NFKBIZ: variants seen among roughly 807,000 people sequenced by gnomAD.
The protein encoded by NFKBIZ is NFKB inhibitor zeta.
NFKBIZ carries 19 observed loss-of-function variants against 76.8 expected under a neutral mutation model. The ratio of observed to expected loss-of-function variants is 0.25; its 90% CI spans 0.17 to 0.36. The LOEUF (loss-of-function observed/expected upper bound fraction) is 0.36, where lower values mean the gene tolerates loss of function less well. NFKBIZ is among the 10% of genes least tolerant of loss of function. The pLI is 1.00. For missense variants in NFKBIZ, 829 were observed against 910.9 expected (o/e 0.91, Z 1.16); for synonymous variants, 368 against 354.8 (o/e 1.04, Z -0.42).
At chr3:101,853,013 T>G in intron 4 of NFKBIZ, 24 bp downstream of exon 4, 1 of 1,613,412 alleles carries the variant, frequency 6.2e-7, no homozygotes, top group East Asian at 2.2e-5. Context: ...CATTTTCCTC[T>G]GACTATCCTT....
At chr3:101,831,262 G>A (rs1319608350) in intron 2 of NFKBIZ, among the ~76,000 whole-genome samples, 1 of 152,182 alleles carries the variant, frequency 6.6e-6, no homozygotes, top group Non-Finnish European at 1.5e-5. Context: ...ACAATAGTTT[G>A]TGGCCCCCAA....
chr3:101,849,688 G>T lies in NFKBIZ; in HGVS notation c.60G>T (p.Ala20=), dbSNP rs1483823632. The T allele has an allele frequency of 7.2e-7, 1 of 1,389,948 alleles. No homozygotes were observed. The highest frequency in any genetic ancestry group is 3.0e-5 in the East Asian group (1 of 33,586). 86.1% of individuals were successfully genotyped at this position (1,389,948 alleles called of 1,614,324 possible). Reference sequence around the variant, plus strand: ...GCGGAGAGGGGCTGCGGGACGCGGCGGGCGGCTGCGGCCTCATGACCAGCC... The same window carrying T: ...GCGGAGAGGGGCTGCGGGACGCGGCTGGCGGCTGCGGCCTCATGACCAGCC... The part of the protein sequence containing the change: ...SRGGEGLRDA[A]GGCGLMTSPL... Residue 20 remains alanine, a synonymous_variant, in exon 1 of 12, where the codon GCG becomes GCT. Transcript: ENST00000326172.
chr3:101,852,413 T>C (rs1448607655), intron 2 of NFKBIZ, among the ~76,000 whole-genome samples, 189 bp downstream of exon 2: 2 of 152,186 alleles, frequency 1.3e-5, no homozygotes, highest in Non-Finnish European at 2.9e-5. Flanking sequence ...GCCAGACACC[T>C]GGTAGGTGGG....
chr3:101,853,378 T>C lies in NFKBIZ; in HGVS notation c.852T>C (p.Ala284=). ...GCTCCCAACAAATGATAGACCAGGC[T>C]TCCCTGTACCAGTATTCTCCACAGA... is the stretch of plus-strand genomic sequence containing the variant. ...VRGSQQMIDQ[A]SLYQYSPQNQ... The change falls in exon 5 of 12, where the codon GCT becomes GCC. Residue 284 remains alanine, a synonymous_variant. Transcript: ENST00000326172. 1 of 1,614,152 alleles carries C rather than the reference T, an allele frequency of 6.2e-7. No homozygotes were observed. Among genetic ancestry groups the C allele is most frequent in the Non-Finnish European group, 8.5e-7 (1 of 1,180,020 alleles).
In NFKBIZ at chr3:101,859,924, A is replaced by T. The variant is rs758940031; in HGVS notation, c.*553A>T. ...ATTTTTGTCCTTAAAAATATTGTAC[A>T]TACTTGGTTGTTAACATGGTCATAT... On this transcript the variant is annotated 3_prime_UTR_variant, in exon 12 of 12. Transcript: ENST00000326172. 6.6e-6 allele frequency: 1 copy of T among 152,378 alleles called. No individual in the cohort carries two copies. Among genetic ancestry groups the T allele is most frequent in the Admixed American group, 6.5e-5 (1 of 15,300 alleles). The allele number at this position is 152,378 out of a possible 1,614,324, so 9.4% of individuals were successfully genotyped here.
At position 101,857,157 on chromosome 3, in the gene NFKBIZ, A is replaced by G. The variant is rs776536253; in HGVS notation, c.1909A>G (p.Ser637Gly). The stretch of plus-strand genomic sequence containing the variant: ...CATTCGCCTCTTTTTGGAGCTGCCC[A>G]GTTGCCTGTCTTTTGTGAATGCAAA... ...ELIRLFLELP[S>G]CLSFVNAKAY... Residue 637 changes from serine (S) to glycine (G), a missense_variant, in exon 10 of 12, where the codon AGT becomes GGT. Ser to Gly is a moderately conservative substitution (Grantham distance 56, BLOSUM62 0). Around this residue, in one of 4 missense-constraint regions of NFKBIZ, gnomAD observed 272 missense variants for 384.2 expected, o/e 0.71. Coordinates refer to ENST00000326172, the MANE Select transcript of NFKBIZ (RefSeq NM_031419.4). 6.8e-6 allele frequency: 11 copies of G among 1,614,012 alleles called. No homozygotes were observed. The East Asian group carries it at 2.0e-4, about 29-fold the overall frequency.
chr3:101,831,620 C>T (rs1323519055), intron 2 of NFKBIZ, among the ~76,000 whole-genome samples: 1 of 151,608 alleles, frequency 6.6e-6, no homozygotes, highest in Non-Finnish European at 1.5e-5. Context: ...TCCTTCTCCT[C>T]TTTTTCTTTT....
intron 1 of NFKBIZ, among the ~76,000 whole-genome samples, chr3:101,851,319 C>T (rs1196407301): frequency 1.3e-5 from 2 of 152,182 alleles, no homozygotes; most frequent in African/African-American, 4.8e-5. Flanking sequence ...AAGTGTATTT[C>T]AAAGTTTAAA....
At position 101,849,845 on chromosome 3, in the gene NFKBIZ, G is replaced by A; in HGVS notation, c.217G>A (p.Ala73Thr). ...PGSDSSDFSS[A>T]SSVSSCGAVE... Reference sequence around the variant, plus strand: ...CTCCGACTCCTCCGACTTCTCCTCTGCCTCGTCGGTGTCCTCCTGCGGCGC... The same window carrying A: ...CTCCGACTCCTCCGACTTCTCCTCTACCTCGTCGGTGTCCTCCTGCGGCGC... The change falls in exon 1 of 12, where the codon GCC becomes ACC. Residue 73 changes from alanine to threonine, a missense_variant. By Grantham distance (58) the Ala-to-Thr change is moderately conservative. Coordinates refer to ENST00000326172, the MANE Select transcript of NFKBIZ (RefSeq NM_031419.4). 2 of 1,472,208 alleles carry A rather than the reference G, an allele frequency of 1.4e-6. No individual in the cohort carries two copies. Among genetic ancestry groups the A allele is most frequent in the South Asian group, 1.3e-5 (1 of 77,482 alleles). 91.2% of individuals were successfully genotyped at this position (1,472,208 alleles called of 1,614,324 possible).
rs773434450 is a variant in NFKBIZ at position 101,853,485 on chromosome 3, C to G, written c.959C>G (p.Pro320Arg). The change falls in exon 5 of 12, where the codon CCC becomes CGC. Residue 320 changes from proline to arginine, a missense_variant. This residue lies in a region of NFKBIZ where 371 missense variants were observed against 332.3 expected (regional missense o/e 1.12). Coordinates refer to ENST00000326172, the MANE Select transcript of NFKBIZ (RefSeq NM_031419.4). ...YSPFPIPPQS[P>R]AYEPNLFDGP... is the part of the protein sequence containing the mutation. Reference sequence around the variant, plus strand: ...CCTTTTCCCATACCTCCCCAGTCCCCCGCTTATGAACCAAACCTCTTTGAT... The same window carrying G: ...CCTTTTCCCATACCTCCCCAGTCCCGCGCTTATGAACCAAACCTCTTTGAT... 4 of 1,614,134 alleles carry G rather than the reference C, an allele frequency of 2.5e-6. No individual in the cohort carries two copies. In the South Asian group the frequency reaches 4.4e-5, roughly 18 times the overall value.
chr3:101,833,546 G>A (rs1337378833), intron 2 of NFKBIZ, among the ~76,000 whole-genome samples: 6 of 152,202 alleles, frequency 3.9e-5, no homozygotes, highest in African/African-American at 1.4e-4. Context: ...AAAAGGAGGT[G>A]CGTTTAATTT....
At chr3:101,852,349 TC>T in intron 2 of NFKBIZ, 125 bp downstream of exon 2, 1 of 1,190,266 alleles carries the variant, frequency 8.4e-7, no homozygotes, top group Non-Finnish European at 1.2e-6. Context: ...GATGACAAAG[TC>T]CATAGGACAG....
In NFKBIZ at chr3:101,855,728, TC is replaced by T; in HGVS notation, c.1655-4del. On this transcript the variant is annotated splice_polypyrimidine_tract_variant and splice_region_variant and intron_variant, in intron 8 of 11. Transcript: ENST00000326172. Reference sequence around the variant, plus strand: ...GACCACTGCTTGATTATACTTTTCTTCTAGGCCTGACTCCCCTTCACTGTGC... The same window carrying T: ...GACCACTGCTTGATTATACTTTTCTTTAGGCCTGACTCCCCTTCACTGTGC... The T allele has an allele frequency of 6.3e-7, 1 of 1,582,610 alleles. No individual in the cohort carries two copies. The highest frequency in any genetic ancestry group is 8.6e-7 in the Non-Finnish European group (1 of 1,167,464).
Position 101,857,281 on chromosome 3 carries a change from T to C in NFKBIZ, c.1936-11T>C, listed in dbSNP as rs769794659. The C allele has an allele frequency of 6.2e-7, 1 of 1,614,046 alleles. No individual in the cohort carries two copies. Among genetic ancestry groups the C allele is most frequent in the Non-Finnish European group, 8.5e-7 (1 of 1,179,908 alleles). On this transcript the variant is annotated splice_polypyrimidine_tract_variant and intron_variant, in intron 10 of 11. Coordinates refer to ENST00000326172, the MANE Select transcript of NFKBIZ (RefSeq NM_031419.4). ...TTCCTGATGTCTGATAATTCATTTC[T>C]TTGTCTTCAGGCTTACAATGGCAAC...
Position 101,857,187 on chromosome 3 carries a change from C to CTTTTAGAAAGCTTTAATAACCAT in NFKBIZ, c.1935+4_1935+5insTTTTAGAAAGCTTTAATAACCAT, listed in dbSNP as rs371844266. The stretch of plus-strand genomic sequence containing the variant: ...CCTGTCTTTTGTGAATGCAAAGGTA[C>CTTTTAGAAAGCTTTAATAACCAT]ACCAGAGTTGGAATGGCCTTCTGTA... On this transcript the variant is annotated splice_donor_region_variant and intron_variant, in intron 10 of 11. Transcript: ENST00000326172. The CTTTTAGAAAGCTTTAATAACCAT allele has an allele frequency of 3.1e-6, 5 of 1,608,166 alleles. No individual in the cohort carries two copies. The highest frequency in any genetic ancestry group is 4.5e-5 in the East Asian group (2 of 44,842).
upstream of NFKBIZ, among the ~76,000 whole-genome samples, chr3:101,845,086 G>T (rs998988922): frequency 1.2e-4 from 18 of 151,882 alleles, 1 homozygote; most frequent in Admixed American, 1.1e-3. Flanking sequence ...GGCTGACACG[G>T]TGAAACCCCG....
chr3:101,849,348 G>A (rs868824617), upstream of NFKBIZ: 113 of 301,512 alleles, frequency 3.7e-4, no homozygotes, highest in African/African-American at 2.4e-3. Context: ...CGAGGGCGGA[G>A]GGCGGAGGGC....
intron 1 of NFKBIZ, among the ~76,000 whole-genome samples, chr3:101,829,315 C>T (rs1307295817): frequency 6.6e-6 from 1 of 152,188 alleles, no homozygotes; most frequent in African/African-American, 2.4e-5. Context: ...GCAGCATCCT[C>T]TCCAGTGTGG....
chr3:101,850,826 G>T (rs890479781), intron 1 of NFKBIZ, among the ~76,000 whole-genome samples: 1 of 152,186 alleles, frequency 6.6e-6, no homozygotes, highest in Non-Finnish European at 1.5e-5. Context: ...TGCGAAAAGC[G>T]ATTTAAACCA....
Sources: allele counts gnomAD v4.1 joint callset (sites outside exome capture counted in the v4.1 genomes callset), GRCh38; gene constraint gnomAD v4.1.1; regional missense constraint gnomAD v4.1.1; transcripts MANE v1.5; gene names NCBI Gene and HGNC (gene_info 2026-07-23, HGNC 2026-07-21).